MAEA: variants seen among roughly 807,000 people sequenced by gnomAD.
MAEA encodes E3 ubiquitin-protein transferase MAEA.
Under a neutral mutation model 46.2 loss-of-function variants are expected in MAEA, and 22 were observed. That is an observed-to-expected ratio of 0.48 (90% CI 0.34 to 0.68). The LOEUF is 0.68. Among genes scored for constraint, MAEA ranks in the 30% least tolerant of loss-of-function variants. The pLI, the probability that MAEA is intolerant of heterozygous loss-of-function variation, is 0.01. For missense variants in MAEA, 393 were observed against 558.1 expected (o/e 0.70, Z 2.98); for synonymous variants, 246 against 222.6 (o/e 1.11, Z -0.94).
At chr4:1,297,292 C>T (rs1057227621) in intron 1 of MAEA, among the ~76,000 whole-genome samples, 18 of 152,302 alleles carry the variant, frequency 1.2e-4, no homozygotes, top group Admixed American at 1.2e-3. Context: ...GGGCTGCGGC[C>T]TTCGCGGCCA....
At chr4:1,308,010 T>C (rs1303934003) in intron 1 of MAEA, among the ~76,000 whole-genome samples, 1 of 97,588 alleles carries the variant, frequency 1.0e-5, no homozygotes, top group African/African-American at 2.8e-5. Context: ...GCAGATACGG[T>C]CATGTGTCAC....
intron 7 of MAEA, 88 bp from the exon 8 acceptor site, chr4:1,338,334 C>G: frequency 9.5e-7 from 1 of 1,050,288 alleles, no homozygotes; most frequent in Non-Finnish European, 1.4e-6. Context: ...CAGAAGGGCA[C>G]GCAGCCCAGG....
At chr4:1,308,084 GAACT>G (rs1446264781) in intron 1 of MAEA, among the ~76,000 whole-genome samples, 4 of 103,648 alleles carry the variant, frequency 3.9e-5, no homozygotes, top group Admixed American at 9.6e-5. Flanking sequence ...ATCGTGGAAT[GAACT>G]AACAGGAGCC....
At chr4:1,300,908 C>G (rs547393914) in intron 1 of MAEA, among the ~76,000 whole-genome samples, 9 of 152,322 alleles carry the variant, frequency 5.9e-5, no homozygotes, top group African/African-American at 1.9e-4. Context: ...AGGGTATGTG[C>G]TGTGCTTGGG....
chr4:1,326,089 G>A (rs998975480), intron 4 of MAEA, among the ~76,000 whole-genome samples: 6 of 152,214 alleles, frequency 3.9e-5, no homozygotes, highest in Admixed American at 1.3e-4. Context: ...ACACCCACGC[G>A]GAGCCACTGC....
intron 1 of MAEA, among the ~76,000 whole-genome samples, chr4:1,291,884 T>G (rs1734142609): frequency 6.6e-6 from 1 of 152,244 alleles, no homozygotes; most frequent in Non-Finnish European, 1.5e-5. Flanking sequence ...TGTCATAATT[T>G]CTCTGTTGAC....
At chr4:1,319,427 G>A (rs1366147109) in intron 3 of MAEA, among the ~76,000 whole-genome samples, 1 of 152,106 alleles carries the variant, frequency 6.6e-6, no homozygotes, top group Non-Finnish European at 1.5e-5. Context: ...TCTAGTTTCA[G>A]TTGACGTACG....
At chr4:1,328,145 G>A (rs1028600737) in intron 5 of MAEA, among the ~76,000 whole-genome samples, 1 of 152,256 alleles carries the variant, frequency 6.6e-6, no homozygotes. Flanking sequence ...GGGGAATGTT[G>A]ACAGCGTGTG....
intron 4 of MAEA, among the ~76,000 whole-genome samples, chr4:1,322,934 G>T (rs1189161395): frequency 3.0e-5 from 4 of 131,638 alleles, no homozygotes; most frequent in African/African-American, 1.1e-4. Context: ...TATTGTTAAT[G>T]AATACCCACT....
intron 4 of MAEA, 145 bp downstream of exon 4, chr4:1,322,648 G>A (rs1738276711): frequency 8.4e-6 from 9 of 1,065,566 alleles, no homozygotes; most frequent in Middle Eastern, 3.1e-4. Context: ...AGTTTTTTTG[G>A]TGGCTGTGTT....
At chr4:1,323,351 A>C in intron 4 of MAEA, 1 of 620,414 alleles carries the variant, frequency 1.6e-6, no homozygotes, top group Non-Finnish European at 2.9e-6. Context: ...GGGCTTGCAG[A>C]AATGTTTTAA....
chr4:1,325,920 T>TGA (rs750395989), intron 4 of MAEA, among the ~76,000 whole-genome samples: 2 of 152,132 alleles, frequency 1.3e-5, no homozygotes, highest in Non-Finnish European at 2.9e-5. Context: ...GGAGCAAGCC[T>TGA]GTGAGTTCTG....
intron 1 of MAEA, among the ~76,000 whole-genome samples, chr4:1,290,560 A>G (rs1288969106): frequency 1.3e-5 from 2 of 152,216 alleles, no homozygotes; most frequent in Non-Finnish European, 2.9e-5. Flanking sequence ...TTAGAATGAA[A>G]TTTGTGCTCC....
At chr4:1,318,890 A>G (rs1027755120) in intron 3 of MAEA, among the ~76,000 whole-genome samples, 1 of 152,156 alleles carries the variant, frequency 6.6e-6, no homozygotes, top group African/African-American at 2.4e-5. Context: ...GTCCCAGACA[A>G]TACAGGACAG....
intron 8 of MAEA, 150 bp from the exon 9 acceptor site, chr4:1,338,924 C>T (rs1178632369): frequency 8.4e-6 from 6 of 713,592 alleles, no homozygotes; most frequent in African/African-American, 1.8e-5. Flanking sequence ...GAGGTGGCCC[C>T]GGGATTTCTT....
In MAEA at chr4:1,339,182, G is replaced by A. The variant is rs1031956967; in HGVS notation, c.*13G>A. 1 of 1,608,144 alleles carries A rather than the reference G, an allele frequency of 6.2e-7. No individual in the cohort carries two copies. The highest frequency in any genetic ancestry group is 1.3e-5 in the African/African-American group (1 of 74,898). The stretch of plus-strand genomic sequence containing the variant: ...GTACATCATGTAGGCCCCACGTCGT[G>A]AAGCGCACGCCTCGGGGACGGGCTG... On this transcript the variant is annotated 3_prime_UTR_variant, in exon 9 of 9. Transcript: ENST00000303400.
At chr4:1,303,232 CAAA>C (rs71168823) in intron 1 of MAEA, among the ~76,000 whole-genome samples, 8 of 65,672 alleles carry the variant, frequency 1.2e-4, no homozygotes, top group African/African-American at 3.0e-4. Flanking sequence ...ACTAAAAATA[CAAA>C]AAAAAAAAAA....
intron 3 of MAEA, among the ~76,000 whole-genome samples, chr4:1,316,140 G>C (rs1036171577): frequency 2.0e-5 from 3 of 152,076 alleles, no homozygotes; most frequent in Non-Finnish European, 4.4e-5. Flanking sequence ...TTGCTTCCTC[G>C]TGAGAGCTTT....
chr4:1,333,270 G>T (rs1054473870), intron 6 of MAEA, among the ~76,000 whole-genome samples: 112 of 152,162 alleles, frequency 7.4e-4, no homozygotes, highest in African/African-American at 2.5e-3. Context: ...GAGCCCATAA[G>T]GTTGAGGCTG....
Sources: allele counts gnomAD v4.1 joint callset (sites outside exome capture counted in the v4.1 genomes callset), GRCh38; gene constraint gnomAD v4.1.1; transcripts MANE v1.5; gene names NCBI Gene and HGNC (gene_info 2026-07-23, HGNC 2026-07-21).